CASZ1: variants seen among roughly 807,000 people sequenced by gnomAD.
CASZ1 encodes castor zinc finger 1.
Under a neutral mutation model 135.2 loss-of-function variants are expected in CASZ1, and 28 were observed. The ratio of observed to expected loss-of-function variants is 0.21; its 90% CI spans 0.15 to 0.28. The LOEUF is 0.28. Among genes scored for constraint, CASZ1 ranks in the 10% least tolerant of loss-of-function variants. CASZ1 has a pLI of 1.00. For synonymous variants in CASZ1, 1,068 were observed against 1,073.4 expected (o/e 0.99, Z 0.10); for missense variants, 2,161 against 2,453.3 (o/e 0.88, Z 2.52).
rs1239724744 is a variant in CASZ1, at chr1:10,700,683, C to T, written c.-24+4809G>A. ...ACAGGCTCTGCTCCCTGAACCCAGG[C>T]ACTGACCCTCTACCTTCCCAGCATC... On this transcript the variant is annotated intron_variant, in intron 3 of 20. Coordinates refer to ENST00000377022, the MANE Select transcript of CASZ1 (RefSeq NM_001079843.3). The surrounding 1 kb of genome is among the most constrained non-coding windows in gnomAD (Gnocchi z 4.2). 1.3e-5 allele frequency among the ~76,000 whole-genome samples: 2 copies of T among 152,170 alleles called. No individual in the cohort carries two copies. Among genetic ancestry groups the T allele is most frequent in the African/African-American group, 4.8e-5 (2 of 41,436 alleles).
At chr1:10,663,187 T>C (rs1050574199) in intron 5 of CASZ1, among the ~76,000 whole-genome samples, 2 of 152,018 alleles carry the variant, frequency 1.3e-5, no homozygotes, top group African/African-American at 4.8e-5. Context: ...CTGGGGGGTC[T>C]CCTCCCAGGC....
At position 10,707,824 on chromosome 1, in the gene CASZ1, C is replaced by T. The variant is rs918726820; in HGVS notation, c.-76-2280G>A. Among the ~76,000 whole-genome samples, 3 of 152,202 alleles carry T rather than the reference C, an allele frequency of 2.0e-5. No individual in the cohort carries two copies. Among genetic ancestry groups the T allele is most frequent in the Admixed American group, 1.3e-4 (2 of 15,284 alleles). On this transcript the variant is annotated intron_variant, in intron 2 of 20. Coordinates refer to ENST00000377022, the MANE Select transcript of CASZ1 (RefSeq NM_001079843.3). The surrounding 1 kb of genome is among the most constrained non-coding windows in gnomAD (Gnocchi z 5.0). The stretch of plus-strand genomic sequence containing the variant: ...GGCCCATATGAGTGAGTGGCCAGCA[C>T]ATCTGGGACCTGGTAGCTGACGTAG...
rs372463370 is a variant in CASZ1, at chr1:10,645,056, G to A, written c.3729C>T (p.His1243=). 2.3e-5 allele frequency: 37 copies of A among 1,613,916 alleles called. No individual in the cohort carries two copies. In the African/African-American group the frequency reaches 4.9e-4, roughly 22 times the overall value. ...CAAAATAGCAGCCGGTGCGGAGGCA[G>A]TGGTAGTGCCCACGCATTCGGAACT... ...HCEFRMRGHY[H]CLRTGCYFVT... The change falls in exon 18 of 21, where the codon CAC becomes CAT. Residue 1243 remains histidine, a synonymous_variant. Coordinates refer to ENST00000377022, the MANE Select transcript of CASZ1 (RefSeq NM_001079843.3).
In CASZ1 at chr1:10,717,537, C is replaced by A. The variant is rs1371532471; in HGVS notation, c.-76-11993G>T. Among the ~76,000 whole-genome samples the A allele has an allele frequency of 6.6e-6, 1 of 152,162 alleles. No individual in the cohort carries two copies. Among genetic ancestry groups the A allele is most frequent in the Admixed American group, 6.5e-5 (1 of 15,284 alleles). On this transcript the variant is annotated intron_variant, in intron 2 of 20. Transcript: ENST00000377022. The surrounding 1 kb of genome is among the most constrained non-coding windows in gnomAD (Gnocchi z 4.6). ...CACAAAGTGCATTTAAAGAGACAGA[C>A]ACCCTGTCCCTCCCTCCTCACCAGC...
rs1197460377 is a variant in CASZ1 at position 10,756,052 on chromosome 1, C to T, written c.-77+4649G>A. Reference sequence around the variant, plus strand: ...CACGCCTCCCACCCGGACACACCCTCCCCCAGGGCCGGCCCAGTGTTCTGA... The same window carrying T: ...CACGCCTCCCACCCGGACACACCCTTCCCCAGGGCCGGCCCAGTGTTCTGA... On this transcript the variant is annotated intron_variant, in intron 2 of 20. Coordinates refer to ENST00000377022, the MANE Select transcript of CASZ1 (RefSeq NM_001079843.3). This position sits in a 1 kb window ranked among gnomAD's most constrained non-coding sequence, Gnocchi z 5.9. Among the ~76,000 whole-genome samples the T allele has an allele frequency of 6.6e-6, 1 of 152,172 alleles. No individual in the cohort carries two copies. The highest frequency in any genetic ancestry group is 1.5e-5 in the Non-Finnish European group (1 of 68,014).
At chr1:10,670,265 G>A (rs1323792510) in intron 4 of CASZ1, among the ~76,000 whole-genome samples, 4 of 152,212 alleles carry the variant, frequency 2.6e-5, no homozygotes, top group Admixed American at 6.5e-5. Flanking sequence ...CCACATGGTC[G>A]GCTGTCCTGT....
chr1:10,716,911 C>T (rs767060378), intron 2 of CASZ1, among the ~76,000 whole-genome samples: 5 of 152,226 alleles, frequency 3.3e-5, no homozygotes, highest in Non-Finnish European at 5.9e-5. Context: ...GTTGCAATGA[C>T]AGGCGGCTCT....
chr1:10,689,503 G>A (rs945912991), intron 4 of CASZ1, among the ~76,000 whole-genome samples: 15 of 152,158 alleles, frequency 9.9e-5, no homozygotes, highest in South Asian at 2.1e-4. Context: ...GAGAGTGAAT[G>A]GGTTCTCCTC....
In CASZ1 at chr1:10,660,345, G is replaced by C. The variant is rs367739881; in HGVS notation, c.697C>G (p.Arg233Gly). Reference sequence around the variant, plus strand: ...TCCTCATACTTAGAGAACCGCGCCCGCTTGCTGAGGGTATCCTCGGAGGTG... The same window carrying C: ...TCCTCATACTTAGAGAACCGCGCCCCCTTGCTGAGGGTATCCTCGGAGGTG... ...LPTSEDTLSK[R>G]ARFSKYEEYI... The change falls in exon 6 of 21, where the codon CGG (arginine) becomes GGG (glycine). Residue 233 changes from arginine to glycine, a missense_variant. Coordinates refer to ENST00000377022, the MANE Select transcript of CASZ1 (RefSeq NM_001079843.3). The C allele has an allele frequency of 5.0e-6, 8 of 1,614,154 alleles. No homozygotes were observed. Among genetic ancestry groups the C allele is most frequent in the Non-Finnish European group, 5.9e-6 (7 of 1,180,018 alleles).
rs951947922 is a variant in CASZ1 at position 10,747,883 on chromosome 1, C to T, written c.-77+12818G>A. The stretch of plus-strand genomic sequence containing the variant: ...CCAGGCTGGAGTGCAGTGGTGTGAT[C>T]TCAGCTCACTGCAAGCTCCGCCTCC... On this transcript the variant is annotated intron_variant, in intron 2 of 20. Coordinates refer to ENST00000377022, the MANE Select transcript of CASZ1 (RefSeq NM_001079843.3). This position sits in a 1 kb window ranked among gnomAD's most constrained non-coding sequence, Gnocchi z 4.3. Among the ~76,000 whole-genome samples the T allele has an allele frequency of 1.1e-4, 16 of 150,374 alleles. No homozygotes were observed. Among genetic ancestry groups the T allele is most frequent in the Non-Finnish European group, 1.0e-4 (7 of 67,844 alleles).
chr1:10,653,755 G>A lies in CASZ1; in HGVS notation c.2302C>T (p.Pro768Ser). The change falls in exon 11 of 21, where the codon CCC (proline) becomes TCC (serine). Residue 768 changes from proline (P) to serine (S), a missense_variant. Physicochemically the swap from Pro to Ser is moderately conservative, Grantham distance 74. This residue lies in a region of CASZ1 where 406 missense variants were observed against 387.6 expected (regional missense o/e 1.05). Transcript: ENST00000377022. ...AGCAGCCCCGAGATCTTGCTGTTGG[G>A]AGGTTTGGTGGCACTGGGCCCAGCC... ...TEAGPSATKP[P>S]NSKISGLLPQ... 6.2e-7 allele frequency: 1 copy of A among 1,610,786 alleles called. No individual in the cohort carries two copies. The highest frequency in any genetic ancestry group is 8.5e-7 in the Non-Finnish European group (1 of 1,178,354).
rs1412158814 is a variant in CASZ1 at position 10,694,911 on chromosome 1, G to T, written c.-23-999C>A. On this transcript the variant is annotated intron_variant, in intron 3 of 20. Coordinates refer to ENST00000377022, the MANE Select transcript of CASZ1 (RefSeq NM_001079843.3). This position sits in a 1 kb window ranked among gnomAD's most constrained non-coding sequence, Gnocchi z 6.6. ...GCCGCCGGCGGCCGCGCGCGCGCTC[G>T]CATGCTGCCAGCGGCCGCTCGGGCC... is the stretch of plus-strand genomic sequence containing the variant. Among the ~76,000 whole-genome samples, 1 of 143,676 alleles carries T rather than the reference G, an allele frequency of 7.0e-6. No homozygotes were observed. The highest frequency in any genetic ancestry group is 2.5e-5 in the African/African-American group (1 of 40,152). 94.3% of individuals were successfully genotyped at this position (143,676 alleles called of 152,430 possible). A position where few individuals can be genotyped will look rare whatever the true frequency, so the allele number is the denominator to read the frequency against.
At chr1:10,683,727 T>G (rs982027740) in intron 4 of CASZ1, among the ~76,000 whole-genome samples, 2 of 152,138 alleles carry the variant, frequency 1.3e-5, no homozygotes, top group East Asian at 3.9e-4. Flanking sequence ...TGCGGACAGA[T>G]GGGAGCACTC....
chr1:10,709,759 C>T lies in CASZ1; in HGVS notation c.-76-4215G>A, dbSNP rs1639249931. On this transcript the variant is annotated intron_variant, in intron 2 of 20. Transcript: ENST00000377022. The surrounding 1 kb of genome is among the most constrained non-coding windows in gnomAD (Gnocchi z 5.1). The stretch of plus-strand genomic sequence containing the variant: ...CCGGGCAGTGCCGCAGGGGGATGCG[C>T]ACCAGGGGGATCCCATGGCATAACC... Among the ~76,000 whole-genome samples, 1 of 152,176 alleles carries T rather than the reference C, an allele frequency of 6.6e-6. No individual in the cohort carries two copies. The highest frequency in any genetic ancestry group is 1.5e-5 in the Non-Finnish European group (1 of 68,032).
rs1167381014 is a variant in CASZ1, at chr1:10,755,842, C to T, written c.-77+4859G>A. ...ATCACGGTGGGAGGTGGGGAACCCT[C>T]CTGCTCCCACCCCTCTGCACCCCCC... On this transcript the variant is annotated intron_variant, in intron 2 of 20. Transcript: ENST00000377022. This position sits in a 1 kb window ranked among gnomAD's most constrained non-coding sequence, Gnocchi z 4.3. Among the ~76,000 whole-genome samples, 1 of 152,098 alleles carries T rather than the reference C, an allele frequency of 6.6e-6. No individual in the cohort carries two copies. The highest frequency in any genetic ancestry group is 2.4e-5 in the African/African-American group (1 of 41,408).
chr1:10,648,191 G>A, intron 15 of CASZ1, 52 bp from the exon 16 acceptor site: 1 of 1,315,296 alleles, frequency 7.6e-7, no homozygotes, highest in Non-Finnish European at 1.0e-6. Flanking sequence ...GACAGGTGTG[G>A]AGGGGCATGC....
At position 10,674,794 on chromosome 1, in the gene CASZ1, G is replaced by T. The variant is rs141632216; in HGVS notation, c.17-9223C>A. On this transcript the variant is annotated intron_variant, in intron 4 of 20. Coordinates refer to ENST00000377022, the MANE Select transcript of CASZ1 (RefSeq NM_001079843.3). ...GCCTGGGGATCTGAGAGCTGCCCTA[G>T]GCCTCCTGCTCCCATCCCCGCTAAA... 8.2e-3 allele frequency among the ~76,000 whole-genome samples: 1,253 copies of T among 152,284 alleles called. 22 individuals carry two copies. Among genetic ancestry groups the T allele is most frequent in the Middle Eastern group, 0.034 (10 of 294 alleles).
chr1:10,691,784 G>A (rs188939625), intron 4 of CASZ1, among the ~76,000 whole-genome samples: 338 of 152,316 alleles, frequency 2.2e-3, no homozygotes, highest in Non-Finnish European at 3.6e-3. Context: ...TGGTGAAGTG[G>A]GGGGAAGACT....
At chr1:10,785,741 G>C (rs753323283) in intron 1 of CASZ1, among the ~76,000 whole-genome samples, 1 of 152,242 alleles carries the variant, frequency 6.6e-6, no homozygotes, top group Admixed American at 6.5e-5. Context: ...GAGGCTCTGC[G>C]ATGAGCTCAG....
Sources: allele counts gnomAD v4.1 joint callset (sites outside exome capture counted in the v4.1 genomes callset), GRCh38; gene constraint gnomAD v4.1.1; regional missense constraint gnomAD v4.1.1; non-coding constraint Gnocchi (gnomAD v3.1); transcripts MANE v1.5; gene names NCBI Gene and HGNC (gene_info 2026-07-23, HGNC 2026-07-21).